CCDC60: variants seen among roughly 807,000 people sequenced by gnomAD.
CCDC60 encodes coiled-coil domain containing 60, also known as coiled-coil domain-containing protein 60.
A neutral mutation model predicts 63.5 loss-of-function variants in CCDC60; 54 were observed. The ratio of observed to expected loss-of-function variants is 0.85; its 90% CI spans 0.68 to 1.07. CCDC60 has a LOEUF of 1.07. Among genes scored for constraint, CCDC60 ranks in the 50% least tolerant of loss-of-function variants. The pLI is 0.00. For missense variants in CCDC60, 651 were observed against 684.3 expected (o/e 0.95, Z 0.54); for synonymous variants, 206 against 238.8 (o/e 0.86, Z 1.27).
chr12:119,340,061 C>A (rs1441348593), intron 1 of CCDC60, among the ~76,000 whole-genome samples: 2 of 152,176 alleles, frequency 1.3e-5, no homozygotes, highest in Non-Finnish European at 2.9e-5. Flanking sequence ...ATCCAAGAAG[C>A]CTTCCATTTC....
At chr12:119,449,502 G>A (rs1021182540) in intron 2 of CCDC60, among the ~76,000 whole-genome samples, 99 of 152,172 alleles carry the variant, frequency 6.5e-4, no homozygotes, top group African/African-American at 2.2e-3. Flanking sequence ...AAGAAAATGC[G>A]AATGCACCAC....
chr12:119,388,990 A>ATCATTTGCCC (rs1956107432), intron 1 of CCDC60, among the ~76,000 whole-genome samples: 1 of 152,206 alleles, frequency 6.6e-6, no homozygotes, highest in Non-Finnish European at 1.5e-5. Context: ...ATCTCATACC[A>ATCATTTGCCC]TCATTTGCCC....
Position 119,472,295 on chromosome 12 carries a change from C to T in CCDC60, c.341+131C>T. ...CCCTTCTCAGCCTGGCATCTAACAC[C>T]TTCTTTAGTGTGGTCCAACCAACCT... On this transcript the variant is annotated intron_variant, in intron 3 of 13. Coordinates refer to ENST00000327554, the MANE Select transcript of CCDC60 (RefSeq NM_178499.5). 3.7e-6 allele frequency: 3 copies of T among 817,370 alleles called. 1 individual carries two copies. 50.6% of individuals were successfully genotyped at this position (817,370 alleles called of 1,614,324 possible).
In CCDC60 at chr12:119,388,435, G is replaced by A. The variant is rs146834000; in HGVS notation, c.91-40248G>A. ...TGAATATCCAAGTACCAGTTACTTC[G>A]CATCTTCATCCACCCTTTAATAAGG... On this transcript the variant is annotated intron_variant, in intron 1 of 13. Transcript: ENST00000327554. 1.4e-3 allele frequency: 216 copies of A among 152,256 alleles called. 2 individuals are homozygous for A. The highest frequency in any genetic ancestry group is 5.0e-3 in the African/African-American group (206 of 41,552). 9.4% of individuals were successfully genotyped at this position (152,256 alleles called of 1,614,324 possible).
Position 119,374,889 on chromosome 12 carries a change from T to G in CCDC60, c.90+39623T>G, listed in dbSNP as rs534736639. Among the ~76,000 whole-genome samples, 3 of 152,288 alleles carry G rather than the reference T, an allele frequency of 2.0e-5. No homozygotes were observed. The South Asian group carries it at 6.2e-4, about 32-fold the overall frequency. On this transcript the variant is annotated intron_variant, in intron 1 of 13. Coordinates refer to ENST00000327554, the MANE Select transcript of CCDC60 (RefSeq NM_178499.5). ...TGTCCTGGCGCTGGTGGGAGTGTCT[T>G]TTAGCATAATGCATTAAAATTATGA...
At chr12:119,352,774 T>G (rs1025953926) in intron 1 of CCDC60, among the ~76,000 whole-genome samples, 11 of 151,862 alleles carry the variant, frequency 7.2e-5, no homozygotes, top group Non-Finnish European at 1.5e-5. Flanking sequence ...CCGTCTCTAC[T>G]AAAAACATAA....
At chr12:119,389,047 C>T (rs572980007) in intron 1 of CCDC60, among the ~76,000 whole-genome samples, 7 of 152,340 alleles carry the variant, frequency 4.6e-5, no homozygotes, top group East Asian at 1.9e-4. Context: ...CCTTTCTTGG[C>T]TCTTCCCATG....
rs1001961484 is a variant in CCDC60, at chr12:119,523,790, C to T, written c.1201C>T (p.Leu401=). ...YSVAQEAGFC[L]QDKMEILMKR... is the part of the protein sequence containing the mutation. ...CGTAGCCCAGGAGGCTGGCTTCTGC[C>T]TGCAGGACAAGATGGAAATCCTCAT... The change falls in exon 11 of 14, where the codon CTG becomes TTG. Residue 401 remains leucine, a synonymous_variant. Transcript: ENST00000327554. 1.2e-6 allele frequency: 2 copies of T among 1,614,174 alleles called. No homozygotes were observed. Among genetic ancestry groups the T allele is most frequent in the South Asian group, 1.1e-5 (1 of 91,078 alleles).
At position 119,452,882 on chromosome 12, in the gene CCDC60, A is replaced by G. The variant is rs376887651; in HGVS notation, c.171-19112A>G. Among the ~76,000 whole-genome samples the G allele has an allele frequency of 2.6e-5, 4 of 151,914 alleles. No homozygotes were observed. In the East Asian group the frequency reaches 7.8e-4, roughly 29 times the overall value. ...CTGTCACGCAGGCTGGAGTCCAGTG[A>G]CGTGATCTCGGCTCACTGCCACCTC... is the stretch of plus-strand genomic sequence containing the variant. On this transcript the variant is annotated intron_variant, in intron 2 of 13. Transcript: ENST00000327554.
At chr12:119,450,549 A>G (rs1198888722) in intron 2 of CCDC60, among the ~76,000 whole-genome samples, 3 of 152,166 alleles carry the variant, frequency 2.0e-5, no homozygotes, top group Non-Finnish European at 4.4e-5. Context: ...TGGTATTGCT[A>G]GAGCATCAAG....
rs1953147990 is a variant in CCDC60 at position 119,540,966 on chromosome 12, CT to C, written c.*252del. 3 of 399,830 alleles carry C rather than the reference CT, an allele frequency of 7.5e-6. No homozygotes were observed. 24.8% of individuals were successfully genotyped at this position (399,830 alleles called of 1,614,324 possible). ...TCTGTTCTTCAATGATCCAGCCTGA[CT>C]CTACCTACTTCCTCTTCAGATTCCT... On this transcript the variant is annotated 3_prime_UTR_variant, in exon 14 of 14. Transcript: ENST00000327554.
rs954287524 is a variant in CCDC60 at position 119,418,633 on chromosome 12, T to C, written c.91-10050T>C. ...TTTCACCATGTTGGTCAGGCTGGTC[T>C]CCAACTCCTGACCTCAGGTGATCCA... On this transcript the variant is annotated intron_variant, in intron 1 of 13. Transcript: ENST00000327554. 3.3e-5 allele frequency among the ~76,000 whole-genome samples: 5 copies of C among 152,018 alleles called. No homozygotes were observed. The South Asian group carries it at 1.0e-3, about 32-fold the overall frequency.
intron 4 of CCDC60, among the ~76,000 whole-genome samples, chr12:119,482,421 T>C (rs1482157374): frequency 6.6e-6 from 1 of 152,116 alleles, no homozygotes; most frequent in Non-Finnish European, 1.5e-5. Context: ...GGCCAGACAG[T>C]AAAAATTTTA....
At chr12:119,454,087 A>T (rs1196445618) in intron 2 of CCDC60, among the ~76,000 whole-genome samples, 1 of 152,196 alleles carries the variant, frequency 6.6e-6, no homozygotes, top group Non-Finnish European at 1.5e-5. Flanking sequence ...TCAACGAGGT[A>T]AGATGACTCA....
At chr12:119,478,807 G>A (rs897731221) in intron 3 of CCDC60, among the ~76,000 whole-genome samples, 1 of 151,870 alleles carries the variant, frequency 6.6e-6, no homozygotes, top group Admixed American at 6.6e-5. Flanking sequence ...GGGTTTCACC[G>A]TGTTAGCCAG....
intron 2 of CCDC60, among the ~76,000 whole-genome samples, chr12:119,436,598 G>A (rs1950330300): frequency 6.7e-6 from 1 of 150,088 alleles, no homozygotes; most frequent in Non-Finnish European, 1.5e-5. Flanking sequence ...GAGTGCAATG[G>A]CACGATCTCG....
chr12:119,343,948 CCTT>C (rs1264163805), intron 1 of CCDC60, among the ~76,000 whole-genome samples: 1 of 152,236 alleles, frequency 6.6e-6, no homozygotes, highest in East Asian at 1.9e-4. Flanking sequence ...TTCATACTCT[CCTT>C]CTCCATACCC....
At chr12:119,418,383 T>TTTG in intron 1 of CCDC60, among the ~76,000 whole-genome samples, 1 of 112,090 alleles carries the variant, frequency 8.9e-6, no homozygotes. Context: ...CTTTTCTTTC[T>TTTG]TTCTTTTTTT....
chr12:119,361,104 T>C (rs1394931423), intron 1 of CCDC60, among the ~76,000 whole-genome samples: 1 of 149,090 alleles, frequency 6.7e-6, no homozygotes, highest in Non-Finnish European at 1.5e-5. Flanking sequence ...CAGCTTCGGC[T>C]TGGCATGAGA....
Sources: gnomAD v4.1 joint callset for allele counts (sites outside exome capture counted in the v4.1 genomes callset) on GRCh38, gnomAD v4.1.1 for gene constraint, MANE v1.5 for transcripts, NCBI Gene and HGNC (gene_info 2026-07-23, HGNC 2026-07-21) for gene names.